Variants in FER1L6 observed in about 807,000 individuals in gnomAD.
FER1L6 encodes the protein fer-1 like family member 6, also known as fer-1-like protein 6.
Under a neutral mutation model 219.2 loss-of-function variants are expected in FER1L6, and 177 were observed. The observed-to-expected ratio is 0.81, with a 90% confidence interval of 0.71 to 0.91. The LOEUF (loss-of-function observed/expected upper bound fraction) is 0.91, where lower values mean the gene tolerates loss of function less well. Ranked by LOEUF, FER1L6 falls within the 40% of genes least tolerant of loss-of-function variation. The pLI is 0.00. For missense variants in FER1L6, 2,153 were observed against 2,259.9 expected, an observed-to-expected ratio of 0.95 and a Z score of 0.96; for synonymous variants, 768 against 824.3, an observed-to-expected ratio of 0.93 and a Z score of 1.17.
In FER1L6 at chr8:124,044,206, C is replaced by T. The variant is rs191390441; in HGVS notation, c.2590-1561C>T. Among the ~76,000 whole-genome samples the T allele has an allele frequency of 4.7e-3, 711 of 152,316 alleles. 5 individuals are homozygous for T. Among genetic ancestry groups the T allele is most frequent in the African/African-American group, 0.017 (687 of 41,574 alleles). On this transcript the variant is annotated intron_variant, in intron 20 of 40. Transcript: ENST00000522917. ...TCTATTTTGAAAAGCATCATAAAAA[C>T]ACGGTTCTTTGTGATGTCACTGACA...
At chr8:123,910,222 A>T (rs922921030) in intron 1 of FER1L6, among the ~76,000 whole-genome samples, 17 of 152,302 alleles carry the variant, frequency 1.1e-4, no homozygotes, top group African/African-American at 4.1e-4. Flanking sequence ...ATGTGAAAAG[A>T]CTATTCAAAC....
intron 33 of FER1L6, among the ~76,000 whole-genome samples, chr8:124,088,122 C>T (rs1354398377): frequency 6.6e-6 from 1 of 152,158 alleles, no homozygotes; most frequent in Non-Finnish European, 1.5e-5. Context: ...AGACTTCTGT[C>T]CTTCCCCCCA....
At chr8:123,942,922 C>G (rs986502627) in intron 1 of FER1L6, among the ~76,000 whole-genome samples, 2 of 152,124 alleles carry the variant, frequency 1.3e-5, no homozygotes, top group African/African-American at 4.8e-5. Flanking sequence ...CAAACTTGAC[C>G]TTTTTGAAAT....
chr8:124,117,306 AAAGT>A (rs1156744700), intron 39 of FER1L6, among the ~76,000 whole-genome samples: 1 of 152,246 alleles, frequency 6.6e-6, no homozygotes, highest in African/African-American at 2.4e-5. Flanking sequence ...AACCTGGGAC[AAAGT>A]GAGTGATCCG....
rs980163522 is a variant in FER1L6, at chr8:124,111,876, G to A, written c.5290-6968G>A. 6.6e-6 allele frequency among the ~76,000 whole-genome samples: 1 copy of A among 151,990 alleles called. No individual in the cohort carries two copies. Among genetic ancestry groups the A allele is most frequent in the African/African-American group, 2.4e-5 (1 of 41,370 alleles). The stretch of plus-strand genomic sequence containing the variant: ...TGTGACTTAGAATGCCTTAACCGTC[G>A]GGAATGCAGCCCAGTAGGTCTCAGC... On this transcript the variant is annotated intron_variant, in intron 39 of 40. Coordinates refer to ENST00000522917, the MANE Select transcript of FER1L6 (RefSeq NM_001039112.2). This position sits in a 1 kb window ranked among gnomAD's most constrained non-coding sequence, Gnocchi z 5.0.
At chr8:123,997,180 T>C (rs1817172916) in intron 12 of FER1L6, among the ~76,000 whole-genome samples, 1 of 152,192 alleles carries the variant, frequency 6.6e-6, no homozygotes, top group Admixed American at 6.5e-5. Flanking sequence ...TTAGCATGTC[T>C]TTTAGGATAG....
Position 124,013,528 on chromosome 8 carries a change from G to C in FER1L6, c.1919G>C (p.Ser640Thr). ...KTVLSDFISR[S>T]SAFISEAEKK... is the part of the protein sequence containing the mutation. ...GTGCTCAGTGACTTCATCAGTCGGA[G>C]CAGGTACCGGGAGAGACAGCCGGCA... The change falls in exon 15 of 41, where the codon AGC (serine) becomes ACC (threonine). Residue 640 changes from serine (S) to threonine (T), a missense_variant. Physicochemically the swap from Ser to Thr is moderately conservative, Grantham distance 58. Coordinates refer to ENST00000522917, the MANE Select transcript of FER1L6 (RefSeq NM_001039112.2). 6.3e-7 allele frequency: 1 copy of C among 1,596,716 alleles called. No homozygotes were observed. The highest frequency in any genetic ancestry group is 2.3e-5 in the East Asian group (1 of 44,334).
At chr8:123,983,467 T>C (rs1816415520) in intron 11 of FER1L6, among the ~76,000 whole-genome samples, 1 of 152,202 alleles carries the variant, frequency 6.6e-6, no homozygotes. Flanking sequence ...ATGGAGTTTA[T>C]GATATAGAAG....
At chr8:124,080,501 A>G (rs554382463) in intron 32 of FER1L6, among the ~76,000 whole-genome samples, 15 of 152,140 alleles carry the variant, frequency 9.9e-5, no homozygotes, top group Non-Finnish European at 1.6e-4. Flanking sequence ...TATTTTTAGT[A>G]GAGACAGGGT....
chr8:123,894,613 C>A (rs944272758), intron 1 of FER1L6, among the ~76,000 whole-genome samples: 23 of 152,146 alleles, frequency 1.5e-4, no homozygotes, highest in Non-Finnish European at 2.9e-4. Flanking sequence ...AACAGTGACA[C>A]TCCAATAGCA....
At chr8:124,069,726 C>G (rs1820987149) in intron 29 of FER1L6, among the ~76,000 whole-genome samples, 1 of 152,182 alleles carries the variant, frequency 6.6e-6, no homozygotes, top group Non-Finnish European at 1.5e-5. Flanking sequence ...ACAAAGTAAT[C>G]TACAGCATTT....
At chr8:124,047,258 GCT>G (rs1461977756) in intron 21 of FER1L6, among the ~76,000 whole-genome samples, 1 of 152,218 alleles carries the variant, frequency 6.6e-6, no homozygotes, top group East Asian at 1.9e-4. Context: ...TTCAGTTTGA[GCT>G]CTCACATCTG....
chr8:123,889,036 G>A (rs770310606), intron 1 of FER1L6, among the ~76,000 whole-genome samples: 3 of 152,104 alleles, frequency 2.0e-5, no homozygotes, highest in Non-Finnish European at 4.4e-5. Flanking sequence ...TTTTGTATGG[G>A]TTTTACGTTT....
chr8:124,007,761 G>T (rs566780716), intron 13 of FER1L6, among the ~76,000 whole-genome samples: 2 of 152,274 alleles, frequency 1.3e-5, no homozygotes, highest in Non-Finnish European at 2.9e-5. Flanking sequence ...CAGATGGATG[G>T]ATGGAAGAAA....
At chr8:124,023,378 C>A in intron 17 of FER1L6, 66 bp from the exon 18 acceptor site, 2 of 1,507,192 alleles carry the variant, frequency 1.3e-6, no homozygotes, top group South Asian at 1.2e-5. Flanking sequence ...TCTGCAAGTG[C>A]CTTTGTTCAA....
chr8:123,970,926 G>T (rs1458499727), intron 6 of FER1L6, among the ~76,000 whole-genome samples: 2 of 152,192 alleles, frequency 1.3e-5, no homozygotes, highest in Non-Finnish European at 2.9e-5. Flanking sequence ...TTACCAGCGT[G>T]ACAGATCACC....
At position 124,035,508 on chromosome 8, in the gene FER1L6, A is replaced by G. The variant is rs1819160668; in HGVS notation, c.2464+54A>G. 1.2e-5 allele frequency: 19 copies of G among 1,545,362 alleles called. 1 individual carries two copies. In the South Asian group the frequency reaches 2.3e-4, roughly 19 times the overall value. On this transcript the variant is annotated intron_variant, in intron 19 of 40. Coordinates refer to ENST00000522917, the MANE Select transcript of FER1L6 (RefSeq NM_001039112.2). ...ATTCGAGGTCTCAGGTGGGCTTCTGAAAAGATAATAAGGAGGGCAGCATGC... is the reference window on the plus strand; with the variant it reads ...ATTCGAGGTCTCAGGTGGGCTTCTGGAAAGATAATAAGGAGGGCAGCATGC...
chr8:123,951,537 C>A (rs999948179), intron 1 of FER1L6, among the ~76,000 whole-genome samples: 2 of 152,048 alleles, frequency 1.3e-5, no homozygotes, highest in Non-Finnish European at 2.9e-5. Context: ...AGATGAGGAC[C>A]CAGATAGGAC....
chr8:123,920,114 ACT>A (rs1435792927), intron 1 of FER1L6, among the ~76,000 whole-genome samples: 2 of 152,142 alleles, frequency 1.3e-5, no homozygotes, highest in African/African-American at 4.8e-5. Flanking sequence ...AGCCTGGGAC[ACT>A]CTGTGATTAT....
Sources: gnomAD v4.1 joint callset for allele counts (sites outside exome capture counted in the v4.1 genomes callset) on GRCh38, gnomAD v4.1.1 for gene constraint, Gnocchi (gnomAD v3.1) non-coding constraint, MANE v1.5 for transcripts, NCBI Gene and HGNC (gene_info 2026-07-23, HGNC 2026-07-21) for gene names.